Variants in TRPM3 observed in about 807,000 individuals in gnomAD.
The protein encoded by TRPM3 is transient receptor potential cation channel subfamily M member 3.
In TRPM3, 77 loss-of-function variants were observed where a neutral mutation model predicts 181.2. The observed-to-expected ratio is 0.42, with a 90% CI of 0.35 to 0.51. The LOEUF is 0.51. Among genes scored for constraint, TRPM3 ranks in the 20% least tolerant of loss-of-function variants. The pLI is 0.01. For missense variants in TRPM3, 1,759 were observed against 2,196.7 expected (o/e 0.80, Z 3.98); for synonymous variants, 745 against 796.4 (o/e 0.94, Z 1.09).
chr9:71,261,451 T>C (rs771984645), intron 1 of TRPM3, among the ~76,000 whole-genome samples: 1 of 152,212 alleles, frequency 6.6e-6, no homozygotes, highest in East Asian at 1.9e-4. Flanking sequence ...GGTTATAACA[T>C]GCTCCTTTAG....
At chr9:71,087,903 A>T (rs1244182963) in intron 1 of TRPM3, among the ~76,000 whole-genome samples, 1 of 152,130 alleles carries the variant, frequency 6.6e-6, no homozygotes, top group Non-Finnish European at 1.5e-5. Context: ...AAATATTTGG[A>T]AAGCTCAAAA....
chr9:70,695,366 C>T (rs960489182), intron 8 of TRPM3, among the ~76,000 whole-genome samples: 1 of 152,206 alleles, frequency 6.6e-6, no homozygotes, highest in African/African-American at 2.4e-5. Context: ...TCACACAGCA[C>T]AATTTCTAGT....
intron 22 of TRPM3, among the ~76,000 whole-genome samples, chr9:70,577,487 G>C (rs2054338560): frequency 6.6e-6 from 1 of 152,168 alleles, no homozygotes; most frequent in African/African-American, 2.4e-5. Context: ...TCATGTGCCT[G>C]GCCTGGTGCC....
At chr9:70,914,637 T>C (rs2096572176) in intron 1 of TRPM3, among the ~76,000 whole-genome samples, 1 of 152,174 alleles carries the variant, frequency 6.6e-6, no homozygotes, top group Non-Finnish European at 1.5e-5. Context: ...ACAGCAGGCC[T>C]TGAGTGAGAC....
intron 1 of TRPM3, among the ~76,000 whole-genome samples, chr9:71,215,371 T>C (rs1355785076): frequency 6.6e-6 from 1 of 152,192 alleles, no homozygotes; most frequent in African/African-American, 2.4e-5. Flanking sequence ...GCATTCCTGG[T>C]AGCCCTATCA....
At chr9:70,995,108 G>A (rs753957251) in intron 1 of TRPM3, among the ~76,000 whole-genome samples, 34 of 152,172 alleles carry the variant, frequency 2.2e-4, no homozygotes, top group Non-Finnish European at 3.5e-4. Flanking sequence ...CTGTGTGTGT[G>A]TGTGTGCATG....
At chr9:70,563,039 T>G (rs1441223367) in intron 22 of TRPM3, among the ~76,000 whole-genome samples, 1 of 152,224 alleles carries the variant, frequency 6.6e-6, no homozygotes, top group Non-Finnish European at 1.5e-5. Flanking sequence ...GTGGTTTGCT[T>G]TGGTGAATGG....
chr9:71,300,619 G>C (rs1394309), intron 1 of TRPM3, among the ~76,000 whole-genome samples: 18 of 152,100 alleles, frequency 1.2e-4, no homozygotes, highest in African/African-American at 2.7e-4. Flanking sequence ...TGGTTTAACT[G>C]TAATTCTAAG....
chr9:71,074,266 C>T (rs900354280), intron 1 of TRPM3, among the ~76,000 whole-genome samples: 4 of 152,004 alleles, frequency 2.6e-5, no homozygotes, highest in East Asian at 3.8e-4. Context: ...AGTCTTTTAC[C>T]CTGATAGGTA....
chr9:71,153,692 G>C (rs2075848788), intron 1 of TRPM3, among the ~76,000 whole-genome samples: 1 of 151,918 alleles, frequency 6.6e-6, no homozygotes, highest in South Asian at 2.1e-4. Flanking sequence ...AGTCAAAGAG[G>C]GTCAGGATCG....
At chr9:71,428,031 T>C (rs901191511) in intron 1 of TRPM3, among the ~76,000 whole-genome samples, 2 of 152,188 alleles carry the variant, frequency 1.3e-5, no homozygotes, top group African/African-American at 2.4e-5. Context: ...GCTACAGAGA[T>C]AGAAAGTTCA....
chr9:70,639,238 A>G (rs551587897), intron 10 of TRPM3, 44 bp from the exon 11 acceptor site: 62 of 1,606,086 alleles, frequency 3.9e-5, no homozygotes, highest in Non-Finnish European at 5.2e-5. Context: ...GGGTCTATCT[A>G]TGGATGCAGT....
At chr9:71,144,121 C>T (rs888315773) in intron 1 of TRPM3, among the ~76,000 whole-genome samples, 1 of 152,182 alleles carries the variant, frequency 6.6e-6, no homozygotes, top group South Asian at 2.1e-4. Context: ...TTCCTTAAAC[C>T]ATAATATTCC....
intron 1 of TRPM3, among the ~76,000 whole-genome samples, chr9:70,915,035 A>G (rs897182804): frequency 6.6e-6 from 1 of 152,230 alleles, no homozygotes; most frequent in Non-Finnish European, 1.5e-5. Flanking sequence ...TACCTCTTCA[A>G]TGCTCAGATA....
At chr9:70,886,934 G>A (rs1489570540) in intron 1 of TRPM3, among the ~76,000 whole-genome samples, 2 of 152,062 alleles carry the variant, frequency 1.3e-5, no homozygotes, top group African/African-American at 2.4e-5. Flanking sequence ...CAAAGCGCTA[G>A]GATTACAGGT....
intron 1 of TRPM3, among the ~76,000 whole-genome samples, chr9:71,368,103 C>T (rs1364712104): frequency 2.1e-5 from 3 of 145,814 alleles, no homozygotes; most frequent in Middle Eastern, 3.3e-3. Context: ...TACACCTAAA[C>T]ATCTGAAGAA....
At chr9:70,679,659 C>G (rs1268713054) in intron 9 of TRPM3, among the ~76,000 whole-genome samples, 2 of 152,104 alleles carry the variant, frequency 1.3e-5, no homozygotes, top group African/African-American at 4.8e-5. Flanking sequence ...CTGAATTGCT[C>G]TATGCCCCAA....
intron 1 of TRPM3, among the ~76,000 whole-genome samples, chr9:70,913,415 T>C (rs1381860537): frequency 6.6e-6 from 1 of 152,170 alleles, no homozygotes; most frequent in East Asian, 1.9e-4. Context: ...TCCCCTAGGT[T>C]TCATACTTAT....
At chr9:70,541,941 G>A (rs1041667211) in intron 25 of TRPM3, among the ~76,000 whole-genome samples, 1 of 152,168 alleles carries the variant, frequency 6.6e-6, no homozygotes, top group African/African-American at 2.4e-5. Context: ...TGGGCAACAT[G>A]AGGAGACATG....
Sources: gnomAD v4.1 joint callset for allele counts (sites outside exome capture counted in the v4.1 genomes callset) on GRCh38, gnomAD v4.1.1 for gene constraint, MANE v1.5 for transcripts, NCBI Gene and HGNC (gene_info 2026-07-23, HGNC 2026-07-21) for gene names.